SH3BGRL2: variants seen among roughly 807,000 people sequenced by gnomAD.
SH3BGRL2 encodes the protein SH3 domain-binding glutamic acid-rich-like protein 2.
Under a neutral mutation model 14.8 loss-of-function variants are expected in SH3BGRL2, and 21 were observed. The ratio of observed to expected loss-of-function variants is 1.42; its 90% CI spans 1.01 to 2.05. The LOEUF is 2.05. Ranked by LOEUF, SH3BGRL2 falls within the 30% of genes most tolerant of loss-of-function variation. The probability of loss-of-function intolerance (pLI) is 0.00; values close to 1 mark genes in which losing one functional copy is unlikely to be tolerated. For synonymous variants in SH3BGRL2, 50 were observed against 47.8 expected (o/e 1.05, Z -0.19); for missense variants, 147 against 130.8 (o/e 1.12, Z -0.61).
chr6:79,665,774 A>G (rs1365790876), intron 1 of SH3BGRL2, among the ~76,000 whole-genome samples: 1 of 152,226 alleles, frequency 6.6e-6, no homozygotes, highest in African/African-American at 2.4e-5. Context: ...AATTTATAAC[A>G]TGTACTAACA....
chr6:79,635,442 A>G (rs1303448998), intron 1 of SH3BGRL2, among the ~76,000 whole-genome samples: 1 of 152,264 alleles, frequency 6.6e-6, no homozygotes, highest in African/African-American at 2.4e-5. Context: ...TCATATATTC[A>G]TCAGACAATC....
At chr6:79,633,464 A>G (rs962797198) in intron 1 of SH3BGRL2, among the ~76,000 whole-genome samples, 7 of 152,134 alleles carry the variant, frequency 4.6e-5, no homozygotes, top group Non-Finnish European at 2.9e-5. Flanking sequence ...CTATTAGTAT[A>G]ATAATATACC....
intron 1 of SH3BGRL2, among the ~76,000 whole-genome samples, chr6:79,660,630 G>A (rs1769525133): frequency 6.6e-6 from 1 of 152,146 alleles, no homozygotes. Context: ...CTAGGCTTTG[G>A]TAACTGGATG....
chr6:79,661,047 G>A (rs776205334), intron 1 of SH3BGRL2, among the ~76,000 whole-genome samples: 2 of 151,928 alleles, frequency 1.3e-5, no homozygotes, highest in Non-Finnish European at 2.9e-5. Context: ...ATTGCTAGCG[G>A]TCTATCAGTT....
rs186080614 is a variant in SH3BGRL2, at chr6:79,646,186, G to A, written c.45+14680G>A. On this transcript the variant is annotated intron_variant, in intron 1 of 3. Transcript: ENST00000369838. ...CAAATGTCCCCTAGGGGGCAAAATC[G>A]CCCCTGGTTGAGAACCACCACTCTA... Among the ~76,000 whole-genome samples the A allele has an allele frequency of 1.5e-3, 234 of 152,284 alleles. 1 individual carries two copies. Among genetic ancestry groups the A allele is most frequent in the Non-Finnish European group, 8.7e-4 (59 of 68,026 alleles).
At position 79,700,074 on chromosome 6, in the gene SH3BGRL2, T is replaced by C. The variant is rs1181567477; in HGVS notation, c.*565T>C. On this transcript the variant is annotated 3_prime_UTR_variant, in exon 4 of 4. Transcript: ENST00000369838. ...AAAAGTTAGATATTCTAGACTTGTT[T>C]TAGTAATGGAAACTCTTACCTCCAC... The C allele has an allele frequency of 6.6e-6, 1 of 152,316 alleles. No homozygotes were observed. The highest frequency in any genetic ancestry group is 1.5e-5 in the Non-Finnish European group (1 of 68,146). 9.4% of individuals were successfully genotyped at this position (152,316 alleles called of 1,614,324 possible).
chr6:79,558,268 A>G, the SH3BGRL2 span, among the ~76,000 whole-genome samples: 1 of 152,288 alleles, frequency 6.6e-6, no homozygotes, highest in African/African-American at 2.4e-5. Flanking sequence ...CAGTTAGGGC[A>G]CAGGTCATAT....
At chr6:79,611,188 T>C in the SH3BGRL2 span, among the ~76,000 whole-genome samples, 1 of 152,170 alleles carries the variant, frequency 6.6e-6, no homozygotes, top group Non-Finnish European at 1.5e-5. Context: ...CTCTGAGTTT[T>C]GTTGTCATCA....
At chr6:79,605,038 C>T in the SH3BGRL2 span, among the ~76,000 whole-genome samples, 6 of 152,218 alleles carry the variant, frequency 3.9e-5, no homozygotes, top group South Asian at 2.1e-4. Context: ...TCTAATTCAT[C>T]TCCCCTAGAA....
intron 1 of SH3BGRL2, among the ~76,000 whole-genome samples, chr6:79,647,535 T>TC (rs1257885499): frequency 2.0e-5 from 3 of 152,126 alleles, no homozygotes; most frequent in African/African-American, 7.2e-5. Context: ...GCATGATCCT[T>TC]CCCCCCAAAC....
intron 2 of SH3BGRL2, among the ~76,000 whole-genome samples, chr6:79,682,000 T>TACACAC (rs34734780): frequency 6.7e-6 from 1 of 149,144 alleles, no homozygotes; most frequent in Middle Eastern, 3.5e-3. Context: ...ACTATTATTT[T>TACACAC]ACACACACAC....
intron 1 of SH3BGRL2, among the ~76,000 whole-genome samples, chr6:79,655,411 GTT>G (rs5877668): frequency 4.0e-5 from 6 of 149,956 alleles, no homozygotes; most frequent in South Asian, 2.1e-4. Context: ...TGCAAATTCA[GTT>G]TTTTTTTTTA....
At chr6:79,610,466 C>T in the SH3BGRL2 span, among the ~76,000 whole-genome samples, 2 of 152,160 alleles carry the variant, frequency 1.3e-5, no homozygotes, top group Non-Finnish European at 2.9e-5. Context: ...ACAACAGGGC[C>T]TGCTCTTATC....
the SH3BGRL2 span, among the ~76,000 whole-genome samples, chr6:79,592,333 G>A: frequency 6.6e-6 from 1 of 152,132 alleles, no homozygotes; most frequent in African/African-American, 2.4e-5. Flanking sequence ...ACTAATATAA[G>A]GATGAACAAG....
chr6:79,614,328 C>G, the SH3BGRL2 span, among the ~76,000 whole-genome samples: 2 of 152,004 alleles, frequency 1.3e-5, no homozygotes, highest in East Asian at 1.9e-4. Context: ...AGAACCAAAC[C>G]CATGGAAGTG....
chr6:79,638,298 T>C (rs1768965712), intron 1 of SH3BGRL2, among the ~76,000 whole-genome samples: 1 of 152,238 alleles, frequency 6.6e-6, no homozygotes, highest in Admixed American at 6.5e-5. Context: ...TTTATTCTTT[T>C]TATGGCTGAA....
At chr6:79,675,480 C>T (rs1360957451) in intron 2 of SH3BGRL2, among the ~76,000 whole-genome samples, 23 of 151,940 alleles carry the variant, frequency 1.5e-4, no homozygotes, top group Non-Finnish European at 1.5e-4. Flanking sequence ...CTCAGTATGC[C>T]TTTTAAGAAA....
the SH3BGRL2 span, among the ~76,000 whole-genome samples, chr6:79,621,404 T>A: frequency 6.6e-6 from 1 of 152,166 alleles, no homozygotes; most frequent in Non-Finnish European, 1.5e-5. Context: ...TCTAGCCCCT[T>A]CTACCCTGTG....
the SH3BGRL2 span, among the ~76,000 whole-genome samples, chr6:79,593,491 A>G: frequency 6.6e-6 from 1 of 152,172 alleles, no homozygotes; most frequent in Non-Finnish European, 1.5e-5. Flanking sequence ...AGCCTAGTCT[A>G]TTTGGGTGAA....
Sources: gnomAD v4.1 joint callset for allele counts (sites outside exome capture counted in the v4.1 genomes callset) on GRCh38, gnomAD v4.1.1 for gene constraint, MANE v1.5 for transcripts, NCBI Gene and HGNC (gene_info 2026-07-23, HGNC 2026-07-21) for gene names.